The following GPC3 variants were observed in gnomAD, a reference collection of about 807,000 sequenced individuals.
The protein encoded by GPC3 is glypican-3.
In GPC3, 3 loss-of-function variants were observed where a neutral mutation model predicts 34.4. The observed-to-expected ratio is 0.09, with a 90% CI of 0.04 to 0.23. GPC3 has a LOEUF of 0.23. Among genes scored for constraint, GPC3 ranks in the 10% least tolerant of loss-of-function variants. The pLI is 1.00. For synonymous variants in GPC3, 177 were observed against 174.0 expected (o/e 1.02, Z -0.13); for missense variants, 351 against 445.6 (o/e 0.79, Z 1.91).
chrX:133,688,434 T>C (rs779557393), intron 5 of GPC3, among the ~76,000 whole-genome samples: 1 of 111,784 alleles, frequency 8.9e-6, no homozygotes, highest in African/African-American at 3.2e-5. Flanking sequence ...TTCAATTGAT[T>C]GCATTCATAA....
At chrX:133,600,140 T>C (rs1345641744) in intron 6 of GPC3, among the ~76,000 whole-genome samples, 5 of 111,844 alleles carry the variant, frequency 4.5e-5, no homozygotes, top group Non-Finnish European at 7.5e-5. Context: ...CCCCAGAGCA[T>C]TTAAGGCAGT....
chrX:133,711,261 T>C (rs2071264544), intron 3 of GPC3, among the ~76,000 whole-genome samples: 1 of 112,376 alleles, frequency 8.9e-6, no homozygotes, highest in Non-Finnish European at 1.9e-5. Flanking sequence ...CTTTAATGTG[T>C]ATACAAATCA....
At chrX:133,819,060 G>A (rs2075706363) in intron 2 of GPC3, among the ~76,000 whole-genome samples, 1 of 106,059 alleles carries the variant, frequency 9.4e-6, no homozygotes, top group African/African-American at 3.4e-5. Flanking sequence ...AGTTACATAT[G>A]TATACATGTG....
chrX:133,934,190 T>A (rs903796264), intron 2 of GPC3, among the ~76,000 whole-genome samples: 1 of 107,996 alleles, frequency 9.3e-6, no homozygotes, highest in African/African-American at 3.4e-5. Context: ...ATTTTATTTT[T>A]ATTTATTATT....
intron 2 of GPC3, among the ~76,000 whole-genome samples, chrX:133,870,646 C>G (rs945547949): frequency 4.4e-4 from 48 of 110,216 alleles, no homozygotes; most frequent in African/African-American, 1.6e-3. Context: ...CCTATGATGT[C>G]CTGCCTCTTT....
chrX:133,586,521 G>A (rs900478650), intron 7 of GPC3, among the ~76,000 whole-genome samples: 1 of 111,697 alleles, frequency 9.0e-6, no homozygotes, highest in Non-Finnish European at 1.9e-5. Context: ...AGATAGAATG[G>A]AAAAAATCAG....
At chrX:133,746,537 T>C (rs1163403507) in intron 3 of GPC3, among the ~76,000 whole-genome samples, 1 of 112,597 alleles carries the variant, frequency 8.9e-6, no homozygotes, top group African/African-American at 3.2e-5. Flanking sequence ...TCATTTGTAT[T>C]CTTGCAATAA....
At chrX:133,862,937 T>C (rs1301642840) in intron 2 of GPC3, among the ~76,000 whole-genome samples, 2 of 112,774 alleles carry the variant, frequency 1.8e-5, no homozygotes, top group East Asian at 5.6e-4. Context: ...GTTTGCATAC[T>C]GTAGAAGCCG....
chrX:133,825,429 A>G (rs1603254708), intron 2 of GPC3, among the ~76,000 whole-genome samples: 1 of 111,595 alleles, frequency 9.0e-6, no homozygotes, highest in East Asian at 2.8e-4. Context: ...TATGTGACCC[A>G]TTGGGAGGTT....
chrX:133,777,302 T>C (rs1276190412), intron 2 of GPC3, among the ~76,000 whole-genome samples: 1 of 110,980 alleles, frequency 9.0e-6, no homozygotes, highest in East Asian at 2.8e-4. Context: ...GCAATTCCTG[T>C]ATGGTAGGCT....
At chrX:133,865,331 T>C (rs2075961727) in intron 2 of GPC3, among the ~76,000 whole-genome samples, 1 of 112,238 alleles carries the variant, frequency 8.9e-6, no homozygotes, top group South Asian at 3.7e-4. Context: ...GGTTATACTA[T>C]TGCAGGTGGT....
At chrX:133,872,657 T>C (rs1018404763) in intron 2 of GPC3, among the ~76,000 whole-genome samples, 2 of 112,272 alleles carry the variant, frequency 1.8e-5, no homozygotes, top group Non-Finnish European at 3.8e-5. Flanking sequence ...ATATTGTTTC[T>C]AAAAGTTTTC....
intron 2 of GPC3, among the ~76,000 whole-genome samples, chrX:133,789,567 C>T (rs2072139816): frequency 9.0e-6 from 1 of 111,727 alleles, no homozygotes; most frequent in African/African-American, 3.3e-5. Flanking sequence ...CTCCAGGGGA[C>T]ACCTGTCACC....
In GPC3 at chrX:133,849,084, C is replaced by CTTTT. The variant is rs60339728; in HGVS notation, c.338-94912_338-94909dup. 4.3e-4 allele frequency among the ~76,000 whole-genome samples: 20 copies of CTTTT among 46,279 alleles called. 1 individual carries two copies. The highest frequency in any genetic ancestry group is 3.9e-3 in the East Asian group (5 of 1,271). 40.2% of individuals were successfully genotyped at this position (46,279 alleles called of 115,157 possible). Reference sequence around the variant, plus strand: ...AGATTACTAAGGAAAACTAAAGTTTCTTTTTTTTTTTTTTTTTTTTTTTTT... The same window carrying CTTTT: ...AGATTACTAAGGAAAACTAAAGTTTCTTTTTTTTTTTTTTTTTTTTTTTTTTTTT... On this transcript the variant is annotated intron_variant, in intron 2 of 7. Coordinates refer to ENST00000370818, the MANE Select transcript of GPC3 (RefSeq NM_004484.4).
intron 6 of GPC3, among the ~76,000 whole-genome samples, chrX:133,655,969 T>G (rs2070659669): frequency 8.9e-6 from 1 of 112,451 alleles, no homozygotes; most frequent in Non-Finnish European, 1.9e-5. Context: ...AAAATAATTT[T>G]CTGGTGTTTA....
chrX:133,892,973 G>A (rs1321389536), intron 2 of GPC3, among the ~76,000 whole-genome samples: 4 of 111,596 alleles, frequency 3.6e-5, no homozygotes, highest in African/African-American at 6.5e-5. Context: ...GCTCTCAGTC[G>A]GGCTGGGCAC....
At chrX:133,577,909 A>G (rs1373199412) in intron 7 of GPC3, among the ~76,000 whole-genome samples, 1 of 111,640 alleles carries the variant, frequency 9.0e-6, no homozygotes, top group East Asian at 2.8e-4. Flanking sequence ...TTCAGCTTTT[A>G]TCATTCTAAC....
intron 7 of GPC3, among the ~76,000 whole-genome samples, chrX:133,543,349 G>C (rs1300184588): frequency 8.9e-6 from 1 of 111,916 alleles, no homozygotes; most frequent in Non-Finnish European, 1.9e-5. Flanking sequence ...GAACTCCTGA[G>C]CTCAAGCGAT....
chrX:133,779,973 C>T (rs2072028730), intron 2 of GPC3, among the ~76,000 whole-genome samples: 1 of 111,511 alleles, frequency 9.0e-6, no homozygotes, highest in African/African-American at 3.3e-5. Flanking sequence ...CACAAAACAC[C>T]TAGAAGTATC....
Sources: gnomAD v4.1 joint callset for allele counts (sites outside exome capture counted in the v4.1 genomes callset) on GRCh38, gnomAD v4.1.1 for gene constraint, MANE v1.5 for transcripts, NCBI Gene and HGNC (gene_info 2026-07-23, HGNC 2026-07-21) for gene names.